The following NMNAT2 variants were observed in gnomAD, a reference collection of about 807,000 sequenced individuals.
NMNAT2 encodes nicotinamide nucleotide adenylyltransferase 2, also known as nicotinamide/nicotinic acid mononucleotide adenylyltransferase 2.
In NMNAT2, 11 loss-of-function variants were observed where a neutral mutation model predicts 41.6. The ratio of observed to expected loss-of-function variants is 0.26; its 90% CI spans 0.17 to 0.44. NMNAT2 has a LOEUF of 0.44. Among genes scored for constraint, NMNAT2 ranks in the 20% least tolerant of loss-of-function variants. The pLI, the probability that NMNAT2 is intolerant of heterozygous loss-of-function variation, is 1.00. For synonymous variants in NMNAT2, 148 were observed against 151.2 expected (o/e 0.98, Z 0.16); for missense variants, 288 against 407.7 (o/e 0.71, Z 2.53).
At chr1:183,313,887 G>T (rs1571592232) in intron 1 of NMNAT2, among the ~76,000 whole-genome samples, 2 of 152,190 alleles carry the variant, frequency 1.3e-5, no homozygotes, top group South Asian at 4.1e-4. Flanking sequence ...TGGAAGAAAG[G>T]TCTTGAAGCA....
chr1:183,329,071 G>A (rs1662526162), intron 1 of NMNAT2, among the ~76,000 whole-genome samples: 2 of 152,152 alleles, frequency 1.3e-5, no homozygotes, highest in Admixed American at 1.3e-4. Flanking sequence ...ATGAGAGACA[G>A]ACATACTGCA....
intron 1 of NMNAT2, among the ~76,000 whole-genome samples, chr1:183,297,413 G>A (rs1386811352): frequency 4.1e-5 from 6 of 145,962 alleles, no homozygotes; most frequent in Admixed American, 6.9e-5. Context: ...ACGGAGTTTC[G>A]CTCTTGTTGC....
chr1:183,345,683 C>T, intron 1 of NMNAT2, among the ~76,000 whole-genome samples: 1 of 121,890 alleles, frequency 8.2e-6, no homozygotes, highest in Non-Finnish European at 1.7e-5. Context: ...AAATAATATC[C>T]TTTTCTTTTT....
chr1:183,329,196 G>A (rs2102337295), intron 1 of NMNAT2, among the ~76,000 whole-genome samples: 2 of 152,182 alleles, frequency 1.3e-5, no homozygotes, highest in South Asian at 4.2e-4. Flanking sequence ...TAACAATCAT[G>A]TTGTTGTATT....
chr1:183,317,004 A>G (rs1029605219), intron 1 of NMNAT2, among the ~76,000 whole-genome samples: 6 of 152,196 alleles, frequency 3.9e-5, no homozygotes, highest in Non-Finnish European at 8.8e-5. Flanking sequence ...AGACCTGTGC[A>G]CATTTGATAA....
chr1:183,306,359 C>CTTT (rs1661993600), intron 1 of NMNAT2, among the ~76,000 whole-genome samples: 1 of 152,120 alleles, frequency 6.6e-6, no homozygotes, highest in African/African-American at 2.4e-5. Context: ...ATGTTTTCTT[C>CTTT]CAGAAAACAT....
intron 1 of NMNAT2, among the ~76,000 whole-genome samples, chr1:183,321,416 C>A (rs979193411): frequency 6.6e-6 from 1 of 152,120 alleles, no homozygotes; most frequent in African/African-American, 2.4e-5. Flanking sequence ...AGTGCCAGAG[C>A]AGCTTTAGTC....
chr1:183,315,861 C>T (rs988340769), intron 1 of NMNAT2, among the ~76,000 whole-genome samples: 3 of 150,826 alleles, frequency 2.0e-5, no homozygotes, highest in Non-Finnish European at 4.4e-5. Context: ...ACGTGTATAT[C>T]TATGTAATAA....
At chr1:183,302,099 G>GA (rs576790288) in intron 1 of NMNAT2, among the ~76,000 whole-genome samples, 125 of 152,250 alleles carry the variant, frequency 8.2e-4, no homozygotes, top group African/African-American at 2.7e-3. Context: ...TAGGAGTTAA[G>GA]AAAAAAACTT....
At chr1:183,284,145 T>A in intron 6 of NMNAT2, 106 bp from the exon 7 acceptor site, 1 of 720,728 alleles carries the variant, frequency 1.4e-6, no homozygotes, top group South Asian at 1.6e-5. Context: ...TGGGGTGGGG[T>A]GGGTGCAAGT....
At chr1:183,415,694 A>T (rs1649233302) in intron 1 of NMNAT2, among the ~76,000 whole-genome samples, 1 of 152,278 alleles carries the variant, frequency 6.6e-6, no homozygotes, top group African/African-American at 2.4e-5. Context: ...GGTTTTTAAC[A>T]GGAATAAGTA....
intron 1 of NMNAT2, among the ~76,000 whole-genome samples, chr1:183,410,447 A>C (rs1429044035): frequency 6.6e-6 from 1 of 152,208 alleles, no homozygotes; most frequent in African/African-American, 2.4e-5. Context: ...TCACAATGGC[A>C]GCTCCCTACT....
At chr1:183,254,418 TTTTGTTTGTTTG>T (rs142232887) in intron 10 of NMNAT2, among the ~76,000 whole-genome samples, 21 of 151,774 alleles carry the variant, frequency 1.4e-4, no homozygotes, top group Non-Finnish European at 2.9e-5. Flanking sequence ...TCTTCTGGTG[TTTTGTTTGTTTG>T]TTTGTTTGTT....
intron 1 of NMNAT2, among the ~76,000 whole-genome samples, chr1:183,408,006 C>T (rs1331934845): frequency 6.6e-6 from 1 of 152,144 alleles, no homozygotes; most frequent in Non-Finnish European, 1.5e-5. Flanking sequence ...ACCCAGTCAG[C>T]CAGAAAAATT....
intron 1 of NMNAT2, among the ~76,000 whole-genome samples, chr1:183,398,116 A>G (rs1648707145): frequency 6.6e-6 from 1 of 152,250 alleles, no homozygotes; most frequent in Non-Finnish European, 1.5e-5. Context: ...ACAGACTGGC[A>G]AATTGGATAA....
chr1:183,304,335 T>G (rs1327042714), intron 1 of NMNAT2, among the ~76,000 whole-genome samples: 2 of 151,706 alleles, frequency 1.3e-5, no homozygotes, highest in Non-Finnish European at 2.9e-5. Flanking sequence ...GAAAGTGGGG[T>G]AGATAGCATG....
At chr1:183,372,739 G>A (rs1025869535) in intron 1 of NMNAT2, among the ~76,000 whole-genome samples, 3 of 152,208 alleles carry the variant, frequency 2.0e-5, no homozygotes, top group Non-Finnish European at 2.9e-5. Flanking sequence ...ATCCAAAGGC[G>A]TGATCCTGGA....
At chr1:183,385,074 A>G (rs1344790826) in intron 1 of NMNAT2, among the ~76,000 whole-genome samples, 4 of 151,936 alleles carry the variant, frequency 2.6e-5, no homozygotes, top group Non-Finnish European at 4.4e-5. Flanking sequence ...AAAATTAAAA[A>G]AAAATTAACT....
At chr1:183,259,610 G>A (rs1404480765) in intron 10 of NMNAT2, among the ~76,000 whole-genome samples, 1 of 152,010 alleles carries the variant, frequency 6.6e-6, no homozygotes, top group Non-Finnish European at 1.5e-5. Flanking sequence ...ATTTTTTTGT[G>A]TGTGTGTGTG....
Sources: allele counts gnomAD v4.1 joint callset (sites outside exome capture counted in the v4.1 genomes callset), GRCh38; gene constraint gnomAD v4.1.1; transcripts MANE v1.5; gene names NCBI Gene and HGNC (gene_info 2026-07-23, HGNC 2026-07-21).